Variants in ANKRD44 observed in about 807,000 individuals in gnomAD.
ANKRD44 encodes the protein serine/threonine-protein phosphatase 6 regulatory ankyrin repeat subunit B.
In ANKRD44, 35 loss-of-function variants were observed where a neutral mutation model predicts 116.0. The ratio of observed to expected loss-of-function variants is 0.30; its 90% confidence interval spans 0.23 to 0.40. ANKRD44 has a LOEUF of 0.40. ANKRD44 is among the 10% of genes least tolerant of loss of function. The pLI, the probability that ANKRD44 is intolerant of heterozygous loss-of-function variation, is 1.00. For missense variants in ANKRD44, 1,014 were observed against 1,242.6 expected, an observed-to-expected ratio of 0.82 and a Z score of 2.77; for synonymous variants, 435 against 461.8, an observed-to-expected ratio of 0.94 and a Z score of 0.74.
intron 1 of ANKRD44, among the ~76,000 whole-genome samples, chr2:197,283,822 CTA>C (rs964176181): frequency 2.0e-5 from 3 of 152,106 alleles, no homozygotes; most frequent in Admixed American, 6.5e-5. Flanking sequence ...GGGAACTATT[CTA>C]TGTTAGGCTT....
intron 1 of ANKRD44, among the ~76,000 whole-genome samples, chr2:197,309,611 G>C (rs1048376292): frequency 4.6e-5 from 7 of 152,166 alleles, no homozygotes; most frequent in Non-Finnish European, 1.0e-4. Flanking sequence ...TCAAAGTCAA[G>C]ATTGCCTCTC....
chr2:197,176,863 A>C (rs1307635796), intron 2 of ANKRD44, among the ~76,000 whole-genome samples: 1 of 152,078 alleles, frequency 6.6e-6, no homozygotes, highest in Non-Finnish European at 1.5e-5. Flanking sequence ...TAGGCTTCTT[A>C]CCCTAACTGA....
intron 1 of ANKRD44, among the ~76,000 whole-genome samples, chr2:197,236,666 C>T (rs2081985050): frequency 2.0e-5 from 3 of 147,124 alleles, no homozygotes; most frequent in African/African-American, 7.6e-5. Flanking sequence ...CAAAAATAGT[C>T]TCAATCTAAG....
intron 1 of ANKRD44, among the ~76,000 whole-genome samples, chr2:197,281,657 C>T (rs2043016): frequency 0.46 from 69,241 of 151,874 alleles, 16,608 homozygotes; most frequent in African/African-American, 0.61. Context: ...GCTAACTTGC[C>T]AACTGTATTT....
At chr2:197,013,136 T>C (rs183972235) in intron 18 of ANKRD44, among the ~76,000 whole-genome samples, 2 of 152,370 alleles carry the variant, frequency 1.3e-5, no homozygotes, top group African/African-American at 4.8e-5. Flanking sequence ...AATATGAATA[T>C]GAAATAGCCA....
chr2:197,005,367 A>T (rs2076183483), intron 21 of ANKRD44, among the ~76,000 whole-genome samples: 1 of 152,182 alleles, frequency 6.6e-6, no homozygotes, highest in Admixed American at 6.5e-5. Context: ...TATTATTTTA[A>T]TCCCTTGTGG....
At chr2:196,971,731 A>G (rs1434501343) in intron 21 of ANKRD44, among the ~76,000 whole-genome samples, 1 of 152,144 alleles carries the variant, frequency 6.6e-6, no homozygotes, top group Non-Finnish European at 1.5e-5. Context: ...GCCCCCTGCT[A>G]GTAAAACTCT....
intron 16 of ANKRD44, among the ~76,000 whole-genome samples, chr2:197,041,062 AG>A (rs2076901647): frequency 6.6e-6 from 1 of 152,324 alleles, no homozygotes; most frequent in Non-Finnish European, 1.5e-5. Context: ...TGCCTATAAA[AG>A]TCTCCTCCCC....
At chr2:197,038,681 C>A (rs1008254613) in intron 16 of ANKRD44, among the ~76,000 whole-genome samples, 10 of 152,136 alleles carry the variant, frequency 6.6e-5, no homozygotes, top group African/African-American at 2.4e-4. Context: ...CTAAACCAGT[C>A]CAGAAAATGC....
intron 1 of ANKRD44, among the ~76,000 whole-genome samples, chr2:197,254,121 G>A (rs545412886): frequency 1.3e-5 from 2 of 152,144 alleles, no homozygotes; most frequent in South Asian, 2.1e-4. Context: ...GACGAGGCAC[G>A]GTGGCTCACG....
intron 3 of ANKRD44, among the ~76,000 whole-genome samples, chr2:197,138,046 G>C (rs1001786668): frequency 1.3e-5 from 2 of 152,180 alleles, no homozygotes; most frequent in African/African-American, 4.8e-5. Context: ...TTTGAGTTCT[G>C]ATTTCAGCAC....
intron 2 of ANKRD44, among the ~76,000 whole-genome samples, chr2:197,184,612 C>T (rs2080605353): frequency 6.9e-6 from 1 of 145,868 alleles, no homozygotes. Context: ...TGCACTCCAG[C>T]CTGGGCAGCT....
chr2:197,026,047 C>CAAACA (rs757549809), intron 16 of ANKRD44, among the ~76,000 whole-genome samples: 1 of 130,352 alleles, frequency 7.7e-6, no homozygotes, highest in Non-Finnish European at 1.6e-5. Context: ...TAAAAAGAAA[C>CAAACA]AAAAAAAAAA....
chr2:197,269,063 G>C (rs1462587103), intron 1 of ANKRD44, among the ~76,000 whole-genome samples: 3 of 139,564 alleles, frequency 2.1e-5, no homozygotes, highest in Admixed American at 1.4e-4. Context: ...ATTAAGCTTT[G>C]GGGTGCTGGT....
intron 1 of ANKRD44, among the ~76,000 whole-genome samples, chr2:197,222,221 T>C (rs1574304728): frequency 6.6e-6 from 1 of 152,038 alleles, no homozygotes; most frequent in East Asian, 1.9e-4. Context: ...TTTTTCTTTA[T>C]CCCCCATGGT....
chr2:197,226,290 T>C (rs2081711187), intron 1 of ANKRD44, among the ~76,000 whole-genome samples: 1 of 152,244 alleles, frequency 6.6e-6, no homozygotes, highest in Non-Finnish European at 1.5e-5. Flanking sequence ...TGCCAGGGTG[T>C]ATCCACACCA....
intron 10 of ANKRD44, among the ~76,000 whole-genome samples, chr2:197,093,465 G>T (rs1043564550): frequency 2.6e-5 from 4 of 152,008 alleles, no homozygotes; most frequent in East Asian, 1.9e-4. Flanking sequence ...GAACTACTCT[G>T]ATTTAAAAGG....
chr2:197,290,088 G>A (rs569118367), intron 1 of ANKRD44, among the ~76,000 whole-genome samples: 157 of 152,136 alleles, frequency 1.0e-3, no homozygotes, highest in African/African-American at 3.7e-3. Flanking sequence ...TCGAACTCCT[G>A]ACTTCAAGTG....
In ANKRD44 at chr2:197,097,839, G is replaced by C. The variant is rs139063767; in HGVS notation, c.1100+1977C>G. Among the ~76,000 whole-genome samples the C allele has an allele frequency of 2.6e-3, 399 of 152,318 alleles. 1 individual carries two copies. The highest frequency in any genetic ancestry group is 9.0e-3 in the African/African-American group (375 of 41,566). On this transcript the variant is annotated intron_variant, in intron 10 of 27. Coordinates refer to ENST00000282272, the MANE Select transcript of ANKRD44 (RefSeq NM_001195144.2). ...TCTTTAACAGCTTCCGAATGACTCA[G>C]AGTGGAATGTAATTCTTTAGCAGGA...
Sources: gnomAD v4.1 joint callset for allele counts (sites outside exome capture counted in the v4.1 genomes callset) on GRCh38, gnomAD v4.1.1 for gene constraint, MANE v1.5 for transcripts, NCBI Gene and HGNC (gene_info 2026-07-23, HGNC 2026-07-21) for gene names.